The following FOXN3 variants were observed in gnomAD, a reference collection of about 807,000 sequenced individuals.
FOXN3 encodes forkhead box protein N3.
Under a neutral mutation model 38.4 loss-of-function variants are expected in FOXN3, and 7 were observed. That is an observed-to-expected ratio of 0.18 (90% CI 0.10 to 0.34). The LOEUF (loss-of-function observed/expected upper bound fraction) is 0.34, where lower values mean the gene tolerates loss of function less well. Ranked by LOEUF, FOXN3 falls within the 10% of genes least tolerant of loss-of-function variation. The pLI is 1.00. For missense variants in FOXN3, 456 were observed against 613.4 expected, an observed-to-expected ratio of 0.74 and a Z score of 2.71; for synonymous variants, 230 against 242.2, an observed-to-expected ratio of 0.95 and a Z score of 0.47.
intron 1 of FOXN3, among the ~76,000 whole-genome samples, chr14:89,491,395 A>T (rs536109820): frequency 6.6e-6 from 1 of 152,366 alleles, no homozygotes; most frequent in African/African-American, 2.4e-5. Context: ...GGTTTTACAG[A>T]GGAAGCAGAA....
At chr14:89,428,955 C>A (rs1892102021) in intron 1 of FOXN3, among the ~76,000 whole-genome samples, 1 of 152,188 alleles carries the variant, frequency 6.6e-6, no homozygotes, top group Non-Finnish European at 1.5e-5. Context: ...TTCATGACAT[C>A]CGTTCCAAAG....
chr14:89,451,972 G>A (rs957139623), intron 1 of FOXN3, among the ~76,000 whole-genome samples: 1 of 152,036 alleles, frequency 6.6e-6, no homozygotes, highest in Admixed American at 6.6e-5. Flanking sequence ...CTCAGGAGAG[G>A]ACCACATCCC....
At chr14:89,328,936 C>T (rs555926419) in intron 3 of FOXN3, among the ~76,000 whole-genome samples, 18 of 152,298 alleles carry the variant, frequency 1.2e-4, no homozygotes, top group African/African-American at 4.3e-4. Context: ...ATGGGACTGG[C>T]ACAGAAGGAA....
intron 2 of FOXN3, among the ~76,000 whole-genome samples, chr14:89,374,151 C>G (rs1200202422): frequency 6.7e-6 from 1 of 148,860 alleles, no homozygotes; most frequent in African/African-American, 2.5e-5. Flanking sequence ...GTGGTCCCAG[C>G]TATTTAGGAG....
intron 1 of FOXN3, among the ~76,000 whole-genome samples, chr14:89,431,024 C>T (rs1287114275): frequency 1.3e-5 from 2 of 152,228 alleles, no homozygotes; most frequent in Non-Finnish European, 2.9e-5. Flanking sequence ...ATGGTTTTCT[C>T]AGTTTCTTGC....
intron 1 of FOXN3, among the ~76,000 whole-genome samples, chr14:89,439,801 G>A (rs561659759): frequency 1.3e-5 from 2 of 150,066 alleles, no homozygotes; most frequent in Non-Finnish European, 3.0e-5. Flanking sequence ...GATTACAGGC[G>A]CCCGCCACCA....
At chr14:89,396,436 TA>T (rs1891099932) in intron 2 of FOXN3, among the ~76,000 whole-genome samples, 1 of 152,186 alleles carries the variant, frequency 6.6e-6, no homozygotes, top group Admixed American at 6.5e-5. Flanking sequence ...TCTTCATGTA[TA>T]AACCAAGATC....
intron 1 of FOXN3, among the ~76,000 whole-genome samples, chr14:89,581,423 A>G (rs1305904260): frequency 6.6e-6 from 1 of 151,964 alleles, no homozygotes; most frequent in African/African-American, 2.4e-5. Context: ...CAGAGGTTGC[A>G]GTGAGCCAAG....
intron 3 of FOXN3, among the ~76,000 whole-genome samples, chr14:89,292,469 G>C (rs185179759): frequency 1.9e-3 from 283 of 152,258 alleles, no homozygotes; most frequent in African/African-American, 6.6e-3. Flanking sequence ...CCAAAATTCA[G>C]GTGTTGCCAA....
chr14:89,506,833 C>A (rs907325107), intron 1 of FOXN3, among the ~76,000 whole-genome samples: 2 of 152,136 alleles, frequency 1.3e-5, no homozygotes, highest in Non-Finnish European at 2.9e-5. Flanking sequence ...TACCCACAAC[C>A]CTGTGCTCAC....
chr14:89,359,626 G>A (rs1038966517), intron 2 of FOXN3, among the ~76,000 whole-genome samples: 1 of 152,212 alleles, frequency 6.6e-6, no homozygotes, highest in South Asian at 2.1e-4. Context: ...GGGACTTTGA[G>A]AAAGCTACTT....
intron 3 of FOXN3, among the ~76,000 whole-genome samples, chr14:89,317,190 G>A (rs1887744275): frequency 6.6e-6 from 1 of 152,136 alleles, no homozygotes; most frequent in African/African-American, 2.4e-5. Context: ...ATAAAGCCTG[G>A]CCTCTGACAG....
intron 1 of FOXN3, among the ~76,000 whole-genome samples, chr14:89,530,810 A>G (rs1894544411): frequency 1.3e-5 from 2 of 150,514 alleles, no homozygotes; most frequent in East Asian, 2.0e-4. Context: ...GGGTTTCACC[A>G]TGTTGGCCAG....
chr14:89,260,794 T>C (rs1443230601), intron 4 of FOXN3, among the ~76,000 whole-genome samples: 1 of 152,246 alleles, frequency 6.6e-6, no homozygotes, highest in East Asian at 1.9e-4. Flanking sequence ...TTTAAAGATC[T>C]TAACTAACCT....
At chr14:89,388,366 A>G (rs1890848939) in intron 2 of FOXN3, among the ~76,000 whole-genome samples, 1 of 152,164 alleles carries the variant, frequency 6.6e-6, no homozygotes, top group Non-Finnish European at 1.5e-5. Context: ...TGCACCTGCA[A>G]CTCAGGGATG....
chr14:89,600,583 C>T (rs548943591), intron 1 of FOXN3, among the ~76,000 whole-genome samples: 9 of 152,148 alleles, frequency 5.9e-5, no homozygotes, highest in Non-Finnish European at 8.8e-5. Flanking sequence ...ACATTGGCCA[C>T]GTCGAAGATA....
At chr14:89,569,001 G>A (rs886140442) in intron 1 of FOXN3, among the ~76,000 whole-genome samples, 8 of 152,166 alleles carry the variant, frequency 5.3e-5, no homozygotes, top group South Asian at 2.1e-4. Context: ...TCAGGAGATC[G>A]AGACCAACCC....
At chr14:89,255,348 A>G (rs982074515) in intron 4 of FOXN3, among the ~76,000 whole-genome samples, 3 of 152,150 alleles carry the variant, frequency 2.0e-5, no homozygotes, top group African/African-American at 7.2e-5. Context: ...CTGTATTTAA[A>G]TCAGGCACCA....
chr14:89,180,768 T>C lies in FOXN3; in HGVS notation c.784A>G (p.Ser262Gly). The C allele has an allele frequency of 6.2e-7, 1 of 1,612,594 alleles. No homozygotes were observed. Among genetic ancestry groups the C allele is most frequent in the South Asian group, 1.1e-5 (1 of 90,618 alleles). Residue 262 changes from serine to glycine, a missense_variant, in exon 5 of 6, where the codon AGC becomes GGC. By Grantham distance (56) the Ser-to-Gly change is moderately conservative (BLOSUM62 0). Around this residue, in one of 3 missense-constraint regions of FOXN3, gnomAD observed 386 missense variants for 505.2 expected, o/e 0.76. Coordinates refer to ENST00000557258, the MANE Select transcript of FOXN3 (RefSeq NM_005197.4). ...CGCACGCCAGGAAACAGCCCTCGGC[T>C]CAGGACCCGCGCTCCATTTTGGATC... Reference protein sequence around the residue: ...GVIQNGARVLSRGLFPGVRPL... With the variant: ...GVIQNGARVLGRGLFPGVRPL...
Sources: allele counts gnomAD v4.1 joint callset (sites outside exome capture counted in the v4.1 genomes callset), GRCh38; gene constraint gnomAD v4.1.1; regional missense constraint gnomAD v4.1.1; transcripts MANE v1.5; gene names NCBI Gene and HGNC (gene_info 2026-07-23, HGNC 2026-07-21).